The following WDFY4 variants were observed in gnomAD, a reference collection of about 807,000 sequenced individuals.
The protein encoded by WDFY4 is WD repeat- and FYVE domain-containing protein 4.
Under a neutral mutation model 351.9 loss-of-function variants are expected in WDFY4, and 169 were observed. The observed-to-expected ratio is 0.48, with a 90% CI of 0.42 to 0.55. The LOEUF (loss-of-function observed/expected upper bound fraction) is 0.55, where lower values mean the gene tolerates loss of function less well. WDFY4 is among the 20% of genes least tolerant of loss of function. The probability of loss-of-function intolerance (pLI) is 0.00; values close to 1 mark genes in which losing one functional copy is unlikely to be tolerated. For synonymous variants in WDFY4, 1,622 were observed against 1,574.6 expected (o/e 1.03, Z -0.71); for missense variants, 3,803 against 3,935.6 (o/e 0.97, Z 0.90).
At chr10:48,711,281 GT>G (rs1237804190) in intron 2 of WDFY4, among the ~76,000 whole-genome samples, 4 of 152,296 alleles carry the variant, frequency 2.6e-5, no homozygotes, top group African/African-American at 9.6e-5. Context: ...TGGACTTGTA[GT>G]CCCATTCATC....
rs530497885 is a variant in WDFY4, at chr10:48,779,967, G to A, written c.3424G>A (p.Glu1142Lys). Residue 1142 changes from glutamate (E) to lysine (K), a missense_variant, in exon 19 of 62, where the codon GAG becomes AAG. This residue lies in a region of WDFY4 where 3,054 missense variants were observed against 3,148.6 expected (regional missense o/e 0.97). Coordinates refer to ENST00000325239, the MANE Select transcript of WDFY4 (RefSeq NM_001394531.1). ...LDVMEPEDDSEPSAGCQLQVR... is the reference protein window; with the variant it reads ...LDVMEPEDDSKPSAGCQLQVR... ...TGTCATGGAACCTGAGGATGACTCC[G>A]AGCCTTCTGCAGGATGCCAGCTTCA... is the stretch of plus-strand genomic sequence containing the variant. 19 of 1,551,736 alleles carry A rather than the reference G, an allele frequency of 1.2e-5. No individual in the cohort carries two copies. Among genetic ancestry groups the A allele is most frequent in the East Asian group, 4.9e-5 (2 of 40,924 alleles).
At chr10:48,778,922 C>A in intron 18 of WDFY4, 90 bp downstream of exon 18, 1 of 1,375,442 alleles carries the variant, frequency 7.3e-7, no homozygotes, top group Non-Finnish European at 9.9e-7. Flanking sequence ...TGGTTAGAAA[C>A]CTGGTGACCT....
At chr10:48,832,983 C>T (rs1432058634) in intron 39 of WDFY4, among the ~76,000 whole-genome samples, 2 of 152,170 alleles carry the variant, frequency 1.3e-5, no homozygotes, top group Non-Finnish European at 2.9e-5. Context: ...CAAAGGTGGA[C>T]AGAAACATTC....
At chr10:48,924,073 C>T (rs1268242011) in intron 47 of WDFY4, among the ~76,000 whole-genome samples, 1 of 152,206 alleles carries the variant, frequency 6.6e-6, no homozygotes, top group East Asian at 1.9e-4. Flanking sequence ...CCTTTGGCTC[C>T]AAGCCTGCCC....
In WDFY4 at chr10:48,901,842, C is replaced by A; in HGVS notation, c.7565C>A (p.Ser2522Ter). ...CCCAGCCTGAAGGGGAAAGCCACCT[C>A]GGAGGACACCCTCAGTCTAAGGTAA... ...FQPSLKGKAT[S>*]EDTLSLRRYP... is the part of the protein sequence containing the mutation. Residue 2522 changes from serine (S) to a stop codon, truncating the protein, a stop_gained, in exon 47 of 62, where the codon TCG becomes TAG. Transcript: ENST00000325239. LOFTEE classifies it high-confidence loss of function. 2 of 1,551,570 alleles carry A rather than the reference C, an allele frequency of 1.3e-6. No homozygotes were observed. The highest frequency in any genetic ancestry group is 1.7e-6 in the Non-Finnish European group (2 of 1,146,866).
intron 43 of WDFY4, chr10:48,878,345 C>G (rs1008167453): frequency 1.3e-5 from 2 of 152,222 alleles, no homozygotes; most frequent in Non-Finnish European, 2.9e-5. Context: ...GGATCTGAAC[C>G]AAGACCCAGG....
At chr10:48,738,510 C>T (rs1368574247) in intron 11 of WDFY4, among the ~76,000 whole-genome samples, 1 of 152,174 alleles carries the variant, frequency 6.6e-6, no homozygotes, top group Non-Finnish European at 1.5e-5. Context: ...AGTTGGAGGG[C>T]CCAGGAGCTG....
At chr10:48,688,198 A>G (rs1332844300) in intron 1 of WDFY4, among the ~76,000 whole-genome samples, 1 of 152,216 alleles carries the variant, frequency 6.6e-6, no homozygotes, top group Non-Finnish European at 1.5e-5. Context: ...CCCTTTGACA[A>G]TGCTAGACAA....
chr10:48,967,479 G>A (rs1842134931), intron 55 of WDFY4: 1 of 152,274 alleles, frequency 6.6e-6, no homozygotes, highest in Non-Finnish European at 1.5e-5. Flanking sequence ...CAGTCAGCAA[G>A]AGCGCAATGA....
chr10:48,868,090 A>T (rs1319293766), intron 40 of WDFY4, among the ~76,000 whole-genome samples: 1 of 152,208 alleles, frequency 6.6e-6, no homozygotes, highest in Non-Finnish European at 1.5e-5. Context: ...GGTGGGCCAC[A>T]GAGCAGGAAG....
intron 47 of WDFY4, among the ~76,000 whole-genome samples, chr10:48,930,962 G>T (rs17700082): frequency 6.6e-6 from 1 of 152,036 alleles, no homozygotes; most frequent in Non-Finnish European, 1.5e-5. Context: ...GCTCTCTGAA[G>T]GGACGGTACT....
chr10:48,952,840 G>A (rs751276940), intron 51 of WDFY4, among the ~76,000 whole-genome samples: 37 of 152,310 alleles, frequency 2.4e-4, no homozygotes, highest in Middle Eastern at 6.8e-3. Context: ...GCTTCCCAAC[G>A]CCATGAGGGT....
intron 37 of WDFY4, among the ~76,000 whole-genome samples, 200 bp from the exon 38 acceptor site, chr10:48,830,500 A>G (rs145375038): frequency 2.2e-4 from 34 of 152,270 alleles, no homozygotes; most frequent in African/African-American, 7.0e-4. Flanking sequence ...GCCAGCTTGC[A>G]TGGGTGTTGG....
intron 39 of WDFY4, among the ~76,000 whole-genome samples, chr10:48,863,096 A>T (rs988202699): frequency 3.3e-5 from 5 of 152,178 alleles, no homozygotes; most frequent in African/African-American, 9.7e-5. Context: ...TTATTTGTTC[A>T]TCAGTTGGTG....
chr10:48,974,262 G>T (rs1012745469), intron 57 of WDFY4, among the ~76,000 whole-genome samples: 2 of 151,984 alleles, frequency 1.3e-5, no homozygotes, highest in Non-Finnish European at 2.9e-5. Flanking sequence ...CAGCACTTTG[G>T]GAGGCCAAGG....
chr10:48,814,300 C>A (rs2067549263), intron 31 of WDFY4, among the ~76,000 whole-genome samples: 2 of 152,222 alleles, frequency 1.3e-5, no homozygotes, highest in African/African-American at 4.8e-5. Context: ...CAGGTGATAC[C>A]TGTTTATCAT....
intron 47 of WDFY4, among the ~76,000 whole-genome samples, chr10:48,939,857 A>G (rs1429889166): frequency 2.0e-5 from 3 of 152,208 alleles, no homozygotes; most frequent in Admixed American, 2.0e-4. Flanking sequence ...GGGGATGGTG[A>G]AATGCCTTTT....
At chr10:48,847,433 C>T (rs561147387) in intron 39 of WDFY4, among the ~76,000 whole-genome samples, 1 of 152,308 alleles carries the variant, frequency 6.6e-6, no homozygotes, top group Admixed American at 6.5e-5. Context: ...AATACATATT[C>T]AGGGAAAGAT....
chr10:48,756,549 T>C (rs1265604285), intron 12 of WDFY4, among the ~76,000 whole-genome samples: 13 of 152,032 alleles, frequency 8.6e-5, no homozygotes, highest in Admixed American at 8.5e-4. Flanking sequence ...TTCTTAATCT[T>C]AGGGAGAAAG....
Sources: allele counts gnomAD v4.1 joint callset (sites outside exome capture counted in the v4.1 genomes callset), GRCh38; gene constraint gnomAD v4.1.1; regional missense constraint gnomAD v4.1.1; transcripts MANE v1.5; gene names NCBI Gene and HGNC (gene_info 2026-07-23, HGNC 2026-07-21).